Variants in NFIB observed in about 807,000 individuals in gnomAD.
NFIB encodes nuclear factor 1 B-type.
A neutral mutation model predicts 61.5 loss-of-function variants in NFIB; 11 were observed. The ratio of observed to expected loss-of-function variants is 0.18; its 90% CI spans 0.11 to 0.30. NFIB has a LOEUF of 0.30. Ranked by LOEUF, NFIB falls within the 10% of genes least tolerant of loss-of-function variation. The pLI is 1.00. For synonymous variants in NFIB, 260 were observed against 216.5 expected (o/e 1.20, Z -1.76); for missense variants, 471 against 608.9 (o/e 0.77, Z 2.38).
At chr9:14,525,494 G>C in the NFIB span, among the ~76,000 whole-genome samples, 4 of 152,140 alleles carry the variant, frequency 2.6e-5, no homozygotes, top group East Asian at 5.8e-4. Context: ...CTGTGCTGAA[G>C]ACTGAAGGAG....
At chr9:14,209,394 G>A (rs1239763156) in intron 2 of NFIB, among the ~76,000 whole-genome samples, 1 of 152,166 alleles carries the variant, frequency 6.6e-6, no homozygotes. Flanking sequence ...AGAGAATGTG[G>A]CTTTAATTGT....
At position 14,222,805 on chromosome 9, in the gene NFIB, A is replaced by AAAAAAAG. The variant is rs1479547684; in HGVS notation, c.563-43026_563-43025insCTTTTTT. ...AGTAAGATCCTGTCTCAAAAAAAAA[A>AAAAAAAG]AAAAGAAAGAAAGAAAAGAAAAAGA... On this transcript the variant is annotated intron_variant, in intron 2 of 10. Coordinates refer to ENST00000380953, the MANE Select transcript of NFIB (RefSeq NM_001190737.2). Among the ~76,000 whole-genome samples the AAAAAAAG allele has an allele frequency of 6.6e-5, 10 of 150,894 alleles. 1 individual carries two copies. The highest frequency in any genetic ancestry group is 1.9e-4 in the East Asian group (1 of 5,172).
chr9:14,486,696 T>TACACAC, the NFIB span, among the ~76,000 whole-genome samples: 1,082 of 149,952 alleles, frequency 7.2e-3, 12 homozygotes, highest in African/African-American at 0.025. Flanking sequence ...TGCATGTAAA[T>TACACAC]ACACACACAC....
chr9:14,159,969 T>C (rs890159175), intron 3 of NFIB, among the ~76,000 whole-genome samples: 3 of 152,176 alleles, frequency 2.0e-5, no homozygotes, highest in Non-Finnish European at 4.4e-5. Context: ...ATATAGTAAA[T>C]TCCCTTCGTC....
At chr9:14,156,482 C>T (rs185297739) in intron 3 of NFIB, among the ~76,000 whole-genome samples, 7 of 152,314 alleles carry the variant, frequency 4.6e-5, no homozygotes, top group Admixed American at 4.6e-4. Context: ...ATACGTTGCA[C>T]GATTTCACTG....
chr9:14,174,844 T>G (rs2045980531), intron 3 of NFIB, among the ~76,000 whole-genome samples: 1 of 151,918 alleles, frequency 6.6e-6, no homozygotes, highest in South Asian at 2.1e-4. Flanking sequence ...TGACTTTGAC[T>G]TTGAACACCA....
At position 14,086,223 on chromosome 9, in the gene NFIB, T is replaced by C. The variant is rs1206301763; in HGVS notation, c.*2086A>G. ...TGCTTCACAGCTACACTGCAAAGTGTTAAAAATCCTCCCACCCACCCCAGA... is the reference window on the plus strand; with the variant it reads ...TGCTTCACAGCTACACTGCAAAGTGCTAAAAATCCTCCCACCCACCCCAGA... On this transcript the variant is annotated 3_prime_UTR_variant, in exon 11 of 11. Transcript: ENST00000380953. 1 of 222,916 alleles carries C rather than the reference T, an allele frequency of 4.5e-6. No homozygotes were observed. Among genetic ancestry groups the C allele is most frequent in the Non-Finnish European group, 9.0e-6 (1 of 111,492 alleles). 13.8% of individuals were successfully genotyped at this position (222,916 alleles called of 1,614,324 possible). A position where few individuals can be genotyped will look rare whatever the true frequency, so the allele number is the denominator to read the frequency against.
chr9:14,504,017 G>A, the NFIB span, among the ~76,000 whole-genome samples: 71 of 152,232 alleles, frequency 4.7e-4, no homozygotes, highest in African/African-American at 1.7e-3. Context: ...GAGATGTCCA[G>A]TTTCATTCTT....
chr9:14,300,224 C>T (rs1296526780), intron 2 of NFIB: 3 of 398,368 alleles, frequency 7.5e-6, no homozygotes, highest in Admixed American at 4.4e-5. Context: ...CAGAAGGAAG[C>T]GTCTCTTCTT....
intron 2 of NFIB, among the ~76,000 whole-genome samples, chr9:14,298,220 T>C (rs1563987837): frequency 6.6e-6 from 1 of 152,218 alleles, no homozygotes. Context: ...ATGTTTAGTA[T>C]ACAGATTTTT....
the NFIB span, among the ~76,000 whole-genome samples, chr9:14,495,216 A>G: frequency 1.3e-5 from 2 of 152,070 alleles, no homozygotes; most frequent in Non-Finnish European, 2.9e-5. Flanking sequence ...TCACCCTCAC[A>G]CGTAGACCTC....
At chr9:14,528,087 A>G in the NFIB span, among the ~76,000 whole-genome samples, 1 of 152,184 alleles carries the variant, frequency 6.6e-6, no homozygotes, top group Non-Finnish European at 1.5e-5. Flanking sequence ...TAGGATTTTC[A>G]GTTTAAAATA....
intron 6 of NFIB, among the ~76,000 whole-genome samples, chr9:14,130,387 A>T (rs2040263886): frequency 6.6e-6 from 1 of 152,226 alleles, no homozygotes; most frequent in Non-Finnish European, 1.5e-5. Flanking sequence ...GAACTAGAAA[A>T]TGAGGCATTT....
At chr9:14,413,654 T>A in the NFIB span, among the ~76,000 whole-genome samples, 1 of 152,272 alleles carries the variant, frequency 6.6e-6, no homozygotes, top group African/African-American at 2.4e-5. Context: ...TGGGAATGCT[T>A]GATTACATTT....
chr9:14,254,828 T>A (rs534846903), intron 2 of NFIB, among the ~76,000 whole-genome samples: 1 of 152,204 alleles, frequency 6.6e-6, no homozygotes, highest in Non-Finnish European at 1.5e-5. Flanking sequence ...TGCATATATG[T>A]GCATTTACAA....
intron 1 of NFIB, among the ~76,000 whole-genome samples, chr9:14,311,858 C>T (rs1221578389): frequency 6.6e-6 from 1 of 151,922 alleles, no homozygotes; most frequent in Admixed American, 6.6e-5. Context: ...TATTTGATCA[C>T]GGTGTAAAAA....
intron 4 of NFIB, among the ~76,000 whole-genome samples, chr9:14,154,663 G>A (rs1201765652): frequency 6.6e-6 from 1 of 152,018 alleles, no homozygotes; most frequent in Non-Finnish European, 1.5e-5. Flanking sequence ...CATGAGAGAA[G>A]TCTTTTGGGC....
intron 2 of NFIB, among the ~76,000 whole-genome samples, chr9:14,195,175 A>G (rs568817196): frequency 1.3e-5 from 2 of 152,140 alleles, no homozygotes; most frequent in South Asian, 4.1e-4. Context: ...TTAAAAAAAA[A>G]CAAAAAACAA....
chr9:14,440,680 G>T, the NFIB span, among the ~76,000 whole-genome samples: 1 of 152,174 alleles, frequency 6.6e-6, no homozygotes, highest in Non-Finnish European at 1.5e-5. Flanking sequence ...TGATAACAAT[G>T]CCTCAGTCAC....
Sources: allele counts gnomAD v4.1 joint callset (sites outside exome capture counted in the v4.1 genomes callset), GRCh38; gene constraint gnomAD v4.1.1; transcripts MANE v1.5; gene names NCBI Gene and HGNC (gene_info 2026-07-23, HGNC 2026-07-21).